Variants in CC2D1A observed in about 807,000 individuals in gnomAD.
CC2D1A encodes coiled-coil and C2 domain-containing protein 1A.
A neutral mutation model predicts 123.8 loss-of-function variants in CC2D1A; 68 were observed. That is an observed-to-expected ratio of 0.55 (90% confidence interval 0.45 to 0.67). CC2D1A has a LOEUF of 0.67. CC2D1A is among the 30% of genes least tolerant of loss of function. The pLI, the probability that CC2D1A is intolerant of heterozygous loss-of-function variation, is 0.00. For synonymous variants in CC2D1A, 477 were observed against 528.0 expected, an observed-to-expected ratio of 0.90 and a Z score of 1.32; for missense variants, 1,185 against 1,290.3, an observed-to-expected ratio of 0.92 and a Z score of 1.25.
rs769030157 is a variant in CC2D1A at position 13,918,096 on chromosome 19, C to A, written c.775C>A (p.Gln259Lys). ...PGPCSPGPLA[Q>K]LQSRQRDYKL... ...TCCCTGCAGCCCTGGCCCTCTGGCC[C>A]AGTTGCAGAGCCGCCAGCGCGACTA... The change falls in exon 7 of 29, where the codon CAG becomes AAG. Residue 259 changes from glutamine (Q) to lysine (K), a missense_variant. Coordinates refer to ENST00000318003, the MANE Select transcript of CC2D1A (RefSeq NM_017721.5). 5 of 1,612,934 alleles carry A rather than the reference C, an allele frequency of 3.1e-6. No individual in the cohort carries two copies. The South Asian group carries it at 5.5e-5, about 18-fold the overall frequency.
At chr19:13,912,131 G>T (rs548511308) in intron 2 of CC2D1A, among the ~76,000 whole-genome samples, 192 bp from the exon 3 acceptor site, 89 of 152,180 alleles carry the variant, frequency 5.8e-4, no homozygotes, top group Admixed American at 2.4e-3. Context: ...GATTATAGGC[G>T]TGAGTCACTG....
chr19:13,910,227 T>G (rs371553863), intron 2 of CC2D1A, among the ~76,000 whole-genome samples: 5 of 146,652 alleles, frequency 3.4e-5, no homozygotes, highest in East Asian at 4.0e-4. Flanking sequence ...TGAAACTCTG[T>G]CTCTACTAAA....
rs758862009 is a variant in CC2D1A at position 13,909,828 on chromosome 19, C to A, written c.66C>A (p.Gly22=). ...AACCCTTGCTGTTCCCCTAGCTGGG[C>A]CTGCTGGTTGACCTCTCCCCAGATG... ...GRGAAAARQL[G]LLVDLSPDGL... The change falls in exon 2 of 29, where the codon GGC becomes GGA. Residue 22 remains glycine, a synonymous_variant. Coordinates refer to ENST00000318003, the MANE Select transcript of CC2D1A (RefSeq NM_017721.5). 2 of 1,587,450 alleles carry A rather than the reference C, an allele frequency of 1.3e-6. No homozygotes were observed. The highest frequency in any genetic ancestry group is 1.1e-5 in the South Asian group (1 of 88,484).
chr19:13,917,806 C>G (rs1004851750), intron 6 of CC2D1A, among the ~76,000 whole-genome samples: 1 of 152,136 alleles, frequency 6.6e-6, no homozygotes, highest in Non-Finnish European at 1.5e-5. Flanking sequence ...CGGCGAAACC[C>G]TGTCTCTACT....
chr19:13,918,891 T>A, intron 9 of CC2D1A, 21 bp from the exon 10 acceptor site: 1 of 1,607,256 alleles, frequency 6.2e-7, no homozygotes, highest in Non-Finnish European at 8.5e-7. Flanking sequence ...ACTCTTAACC[T>A]TGTCCCCCTG....
At chr19:13,922,096 G>C (rs1971430456) in intron 14 of CC2D1A, among the ~76,000 whole-genome samples, 1 of 152,160 alleles carries the variant, frequency 6.6e-6, no homozygotes, top group Non-Finnish European at 1.5e-5. Context: ...CTACCTCCCA[G>C]GCTCAAGCGA....
chr19:13,920,393 A>C (rs1971367909), intron 12 of CC2D1A, 164 bp from the exon 13 acceptor site: 3 of 632,968 alleles, frequency 4.7e-6, no homozygotes, highest in Non-Finnish European at 8.3e-6. Context: ...AAAAAAAAAA[A>C]AAAAAGGTGT....
intron 1 of CC2D1A, among the ~76,000 whole-genome samples, chr19:13,908,085 A>G (rs1450266392): frequency 6.6e-6 from 1 of 152,112 alleles, no homozygotes; most frequent in Non-Finnish European, 1.5e-5. Flanking sequence ...GGCCCACTGC[A>G]ACCTCCGCTT....
At chr19:13,921,697 G>A (rs562341266) in intron 14 of CC2D1A, among the ~76,000 whole-genome samples, 1 of 152,300 alleles carries the variant, frequency 6.6e-6, no homozygotes, top group African/African-American at 2.4e-5. Context: ...CCTGGGACAT[G>A]TAGTCTTTGC....
At chr19:13,914,478 G>A (rs1173633103) in intron 6 of CC2D1A, among the ~76,000 whole-genome samples, 2 of 151,608 alleles carry the variant, frequency 1.3e-5, no homozygotes, top group Admixed American at 1.3e-4. Context: ...GGCATTACAG[G>A]TGCATGCCAC....
chr19:13,930,659 T>G lies in CC2D1A; in HGVS notation c.*264T>G, dbSNP rs1470127479. ...GCACAGCCCAGGGGTGTCCGGCCTC[T>G]GGCCCGCCCCGGAGCAGGGAGGGTG... On this transcript the variant is annotated 3_prime_UTR_variant, in exon 29 of 29. Coordinates refer to ENST00000318003, the MANE Select transcript of CC2D1A (RefSeq NM_017721.5). The surrounding 1 kb of genome is among the most constrained non-coding windows in gnomAD (Gnocchi z 6.8). The G allele has an allele frequency of 4.0e-6, 2 of 502,950 alleles. No individual in the cohort carries two copies. The highest frequency in any genetic ancestry group is 1.9e-5 in the African/African-American group (1 of 51,340). The allele number at this position is 502,950 out of a possible 1,614,324, so 31.2% of individuals were successfully genotyped here. A position where few individuals can be genotyped will look rare whatever the true frequency, so the allele number is the denominator to read the frequency against.
Position 13,912,435 on chromosome 19 carries a change from G to C in CC2D1A, c.309G>C (p.Leu103=), listed in dbSNP as rs774782008. ...DEDDLEADDD[L]LAELNEVLGE... is the part of the protein sequence containing the mutation. ...ACGACTTGGAGGCTGATGATGACCT[G>C]CTGGTGAGCACTGAGGGCGGGGTGG... The change falls in exon 3 of 29, where the codon CTG becomes CTC. Residue 103 remains leucine (L), a synonymous_variant. Transcript: ENST00000318003. 8 of 1,613,762 alleles carry C rather than the reference G, an allele frequency of 5.0e-6. No individual in the cohort carries two copies. Among genetic ancestry groups the C allele is most frequent in the Middle Eastern group, 1.6e-4 (1 of 6,084 alleles).
chr19:13,914,181 T>G (rs1971119071), intron 6 of CC2D1A, among the ~76,000 whole-genome samples: 1 of 151,866 alleles, frequency 6.6e-6, no homozygotes, highest in Admixed American at 6.6e-5. Context: ...CCCGGCTTTT[T>G]TTAATTCTTT....
chr19:13,926,179 G>T (rs931614541), intron 17 of CC2D1A, among the ~76,000 whole-genome samples: 5 of 150,786 alleles, frequency 3.3e-5, no homozygotes, highest in Admixed American at 1.3e-4. Flanking sequence ...ATGAAGGAAA[G>T]ATCTCCCAGC....
chr19:13,919,019 C>T lies in CC2D1A; in HGVS notation c.1126C>T (p.Arg376Ter), dbSNP rs756869849. ...GAGCAAGGGGGACCAGCGGAAAGCT[C>T]GAATGCACGAGCGCATCGTCAAGGT... is the stretch of plus-strand genomic sequence containing the variant. ...AKSKGDQRKA[R>*]MHERIVKQYQ... The change falls in exon 10 of 29, where the codon CGA (arginine) becomes TGA (stop). Residue 376 changes from arginine to a stop codon, truncating the protein, a stop_gained. Transcript: ENST00000318003. LOFTEE classifies it high-confidence loss of function. 1.9e-6 allele frequency: 3 copies of T among 1,607,676 alleles called. No individual in the cohort carries two copies. The highest frequency in any genetic ancestry group is 1.3e-5 in the African/African-American group (1 of 74,766).
rs1971390319 is a variant in CC2D1A at position 13,920,868 on chromosome 19, A to G, written c.1587A>G (p.Gly529=). The change falls in exon 14 of 29, where the codon GGA becomes GGG. Residue 529 remains glycine, a synonymous_variant. Transcript: ENST00000318003. ...GAKMHLRQAK[G]LEPMLEASRN... ...AGATGCACCTGCGCCAAGCCAAGGG[A>G]CTGGAGCCTATGCTGGAGGCCTCGC... 1 of 1,614,020 alleles carries G rather than the reference A, an allele frequency of 6.2e-7. No homozygotes were observed. Among genetic ancestry groups the G allele is most frequent in the Non-Finnish European group, 8.5e-7 (1 of 1,180,034 alleles).
chr19:13,914,285 C>T (rs1350052065), intron 6 of CC2D1A, among the ~76,000 whole-genome samples: 2 of 151,580 alleles, frequency 1.3e-5, no homozygotes, highest in Non-Finnish European at 2.9e-5. Context: ...GGGATCTTCC[C>T]TCACCTTCAC....
intron 2 of CC2D1A, 64 bp from the exon 3 acceptor site, chr19:13,912,259 G>C: frequency 6.7e-7 from 1 of 1,503,052 alleles, no homozygotes; most frequent in Non-Finnish European, 9.0e-7. Context: ...AGCGTGTCCA[G>C]GATGGGAAAT....
rs1169212729 is a variant in CC2D1A, at chr19:13,913,291, C to G, written c.502C>G (p.Arg168Gly). 2 of 1,612,300 alleles carry G rather than the reference C, an allele frequency of 1.2e-6. No individual in the cohort carries two copies. The highest frequency in any genetic ancestry group is 2.2e-5 in the East Asian group (1 of 44,876). Residue 168 changes from arginine (R) to glycine (G), a missense_variant, in exon 5 of 29, where the codon CGG becomes GGG. Transcript: ENST00000318003. The part of the protein sequence containing the change: ...GDSAKMRRYD[R>G]GLKTLENLLA... ...CAGCGCCAAGATGCGGCGCTACGAT[C>G]GGGGGCTTAAAGTAAGTGGGCAGAG...
Sources: gnomAD v4.1 joint callset for allele counts (sites outside exome capture counted in the v4.1 genomes callset) on GRCh38, gnomAD v4.1.1 for gene constraint, Gnocchi (gnomAD v3.1) non-coding constraint, MANE v1.5 for transcripts, NCBI Gene and HGNC (gene_info 2026-07-23, HGNC 2026-07-21) for gene names.